The following LTBP1 variants were observed in gnomAD, a reference collection of about 807,000 sequenced individuals.
LTBP1 encodes the protein latent-transforming growth factor beta-binding protein 1.
LTBP1 carries 129 observed loss-of-function variants against 207.6 expected under a neutral mutation model. The ratio of observed to expected loss-of-function variants is 0.62; its 90% CI spans 0.54 to 0.72. LTBP1 has a LOEUF of 0.72. Among genes scored for constraint, LTBP1 ranks in the 30% least tolerant of loss-of-function variants. The probability of loss-of-function intolerance (pLI) is 0.00; values close to 1 mark genes in which losing one functional copy is unlikely to be tolerated. For missense variants in LTBP1, 2,281 were observed against 2,217.2 expected, an observed-to-expected ratio of 1.03 and a Z score of -0.58; for synonymous variants, 963 against 833.7, an observed-to-expected ratio of 1.16 and a Z score of -2.67.
chr2:32,978,449 A>G (rs1682180061), intron 2 of LTBP1, among the ~76,000 whole-genome samples: 2 of 152,120 alleles, frequency 1.3e-5, no homozygotes, highest in African/African-American at 4.8e-5. Flanking sequence ...TTTCAGCACC[A>G]ATTGAAATGA....
At chr2:33,042,451 T>G (rs1230195249) in intron 3 of LTBP1, among the ~76,000 whole-genome samples, 4 of 152,034 alleles carry the variant, frequency 2.6e-5, no homozygotes, top group Admixed American at 2.6e-4. Context: ...GGGAGAGAAA[T>G]AGGAGCCAAA....
intron 3 of LTBP1, among the ~76,000 whole-genome samples, chr2:33,093,284 A>C (rs761847016): frequency 5.9e-5 from 9 of 152,174 alleles, no homozygotes; most frequent in Admixed American, 1.3e-4. Flanking sequence ...GTTAAATGCA[A>C]ACGTCTTTGG....
Position 33,330,825 on chromosome 2 carries a change from A to G in LTBP1, c.3731-12013A>G, listed in dbSNP as rs1210504007. On this transcript the variant is annotated intron_variant, in intron 24 of 33. Transcript: ENST00000404816. ...CTCTATCATGGTCTCAAAAAAAAAA[A>G]AAAAAATCCTTGAAGAATTCACCGG... 2.6e-5 allele frequency among the ~76,000 whole-genome samples: 4 copies of G among 151,572 alleles called. No individual in the cohort carries two copies. In the East Asian group the frequency reaches 7.7e-4, roughly 29 times the overall value.
intron 9 of LTBP1, among the ~76,000 whole-genome samples, chr2:33,226,582 T>TA (rs2091449799): frequency 6.6e-6 from 1 of 152,212 alleles, no homozygotes; most frequent in Non-Finnish European, 1.5e-5. Context: ...TCCCTGTAAA[T>TA]TGCTGGCTAG....
chr2:33,290,195 C>T (rs143837156), intron 19 of LTBP1, among the ~76,000 whole-genome samples: 1 of 152,284 alleles, frequency 6.6e-6, no homozygotes, highest in Non-Finnish European at 1.5e-5. Context: ...AACCCAGTCT[C>T]GAGAGAAAGA....
chr2:33,278,800 G>A (rs1220914649), intron 18 of LTBP1, among the ~76,000 whole-genome samples: 1 of 152,092 alleles, frequency 6.6e-6, no homozygotes, highest in Non-Finnish European at 1.5e-5. Context: ...TGTAGAACAA[G>A]AAGTCCCAGA....
intron 24 of LTBP1, among the ~76,000 whole-genome samples, chr2:33,341,895 A>G (rs930630343): frequency 2.0e-5 from 3 of 151,892 alleles, no homozygotes; most frequent in African/African-American, 7.3e-5. Context: ...TAAAAGTGCA[A>G]TCTTCTTCAC....
At chr2:33,088,451 C>CA (rs763513093) in intron 3 of LTBP1, among the ~76,000 whole-genome samples, 50 of 149,342 alleles carry the variant, frequency 3.3e-4, no homozygotes, top group Non-Finnish European at 6.1e-4. Context: ...GACTCCATCT[C>CA]AAAAAAAGAA....
intron 2 of LTBP1, among the ~76,000 whole-genome samples, chr2:32,974,847 C>T (rs1382473705): frequency 1.3e-5 from 2 of 152,160 alleles, no homozygotes; most frequent in South Asian, 2.1e-4. Flanking sequence ...GTACTCTGTG[C>T]CTTTTAACTG....
At chr2:33,389,122 A>AG in intron 31 of LTBP1, 62 bp from the exon 32 acceptor site, 1 of 1,607,646 alleles carries the variant, frequency 6.2e-7, no homozygotes, top group Non-Finnish European at 8.5e-7. Flanking sequence ...CTGAGCTGCG[A>AG]GGGGGTGGGG....
intron 4 of LTBP1, 60 bp downstream of exon 4, chr2:33,110,811 T>C (rs2080358521): frequency 3.9e-6 from 6 of 1,540,312 alleles, no homozygotes; most frequent in Non-Finnish European, 5.3e-6. Flanking sequence ...GGAAACACTT[T>C]GTTCAGTGTA....
intron 31 of LTBP1, among the ~76,000 whole-genome samples, chr2:33,378,985 A>G (rs990951172): frequency 6.6e-6 from 1 of 152,176 alleles, no homozygotes; most frequent in African/African-American, 2.4e-5. Flanking sequence ...TCTGCTAAGC[A>G]TCAGTAGCCA....
At chr2:33,045,876 A>G (rs2076416456) in intron 3 of LTBP1, among the ~76,000 whole-genome samples, 1 of 152,060 alleles carries the variant, frequency 6.6e-6, no homozygotes, top group African/African-American at 2.4e-5. Context: ...CTTTGTAGCA[A>G]TTTTGAATGG....
At chr2:33,273,130 T>G (rs887692148) in intron 15 of LTBP1, among the ~76,000 whole-genome samples, 8 of 152,326 alleles carry the variant, frequency 5.3e-5, no homozygotes, top group Middle Eastern at 3.4e-3. Flanking sequence ...GAAGTTTTTC[T>G]TTGTTTAGAA....
chr2:33,015,517 C>A (rs1331593846), intron 2 of LTBP1, among the ~76,000 whole-genome samples: 1 of 151,808 alleles, frequency 6.6e-6, no homozygotes, highest in Non-Finnish European at 1.5e-5. Flanking sequence ...TAACTGACCT[C>A]ACAGCTTATA....
Position 33,186,912 on chromosome 2 carries a change from C to G in LTBP1, c.1258C>G (p.Gln420Glu), listed in dbSNP as rs565829105. Residue 420 changes from glutamine (Q) to glutamate (E), a missense_variant, in exon 6 of 34, where the codon CAG (glutamine) becomes GAG (glutamate). Physicochemically the swap from Gln to Glu is conservative, Grantham distance 29. Coordinates refer to ENST00000404816, the MANE Select transcript of LTBP1 (RefSeq NM_206943.4). ...GGQCSSRDKC[Q>E]CPPNFTGKLC... is the part of the protein sequence containing the mutation. ...CCAGTGCAGTTCAAGGGACAAATGT[C>G]AGTGCCCTCCAAATTTCACAGGAAA... 1 of 1,614,170 alleles carries G rather than the reference C, an allele frequency of 6.2e-7. No homozygotes were observed. Among genetic ancestry groups the G allele is most frequent in the Non-Finnish European group, 8.5e-7 (1 of 1,180,014 alleles).
intron 24 of LTBP1, among the ~76,000 whole-genome samples, chr2:33,342,234 C>A (rs1327891412): frequency 6.6e-6 from 1 of 152,192 alleles, no homozygotes; most frequent in East Asian, 1.9e-4. Flanking sequence ...GTCAGCCAAT[C>A]AGCTGGAGCA....
intron 24 of LTBP1, among the ~76,000 whole-genome samples, chr2:33,315,472 A>G (rs1008186307): frequency 6.6e-6 from 1 of 152,248 alleles, no homozygotes; most frequent in Non-Finnish European, 1.5e-5. Flanking sequence ...GGTTATGATG[A>G]TAAAAACACT....
chr2:33,053,471 T>C (rs1221931883), intron 3 of LTBP1, among the ~76,000 whole-genome samples: 1 of 152,020 alleles, frequency 6.6e-6, no homozygotes, highest in Admixed American at 6.6e-5. Context: ...TATTGAAAGG[T>C]GACAGCGTGC....
Sources: allele counts gnomAD v4.1 joint callset (sites outside exome capture counted in the v4.1 genomes callset), GRCh38; gene constraint gnomAD v4.1.1; transcripts MANE v1.5; gene names NCBI Gene and HGNC (gene_info 2026-07-23, HGNC 2026-07-21).